USP40: variants seen among roughly 807,000 people sequenced by gnomAD.
The protein encoded by USP40 is ubiquitin specific peptidase 40, also known as ubiquitin carboxyl-terminal hydrolase 40.
Under a neutral mutation model 166.2 loss-of-function variants are expected in USP40, and 143 were observed. That is an observed-to-expected ratio of 0.86 (90% CI 0.75 to 0.99). USP40 has a LOEUF of 0.99. Ranked by LOEUF, USP40 falls within the 50% of genes least tolerant of loss-of-function variation. The pLI, the probability that USP40 is intolerant of heterozygous loss-of-function variation, is 0.00. For missense variants in USP40, 1,444 were observed against 1,479.7 expected (o/e 0.98, Z 0.40); for synonymous variants, 498 against 524.0 (o/e 0.95, Z 0.68).
At chr2:233,539,019 A>C (rs1256585356) in intron 10 of USP40, among the ~76,000 whole-genome samples, 2 of 151,896 alleles carry the variant, frequency 1.3e-5, no homozygotes, top group Non-Finnish European at 2.9e-5. Flanking sequence ...ACAGAGCAAA[A>C]CTCTGTCTCA....
At chr2:233,534,456 T>A (rs572589897) in intron 10 of USP40, among the ~76,000 whole-genome samples, 1 of 152,334 alleles carries the variant, frequency 6.6e-6, no homozygotes, top group African/African-American at 2.4e-5. Context: ...TCTCTCAGCC[T>A]AATTTACTTT....
At chr2:233,529,814 C>CTTTTTTTTTTTTTTTTTTT (rs369071345) in intron 11 of USP40, among the ~76,000 whole-genome samples, 13 of 133,946 alleles carry the variant, frequency 9.7e-5, no homozygotes, top group African/African-American at 2.6e-4. Flanking sequence ...TTTTCTTTTT[C>CTTTTTTTTTTTTTTTTTTT]TTTTTTTTTT....
At chr2:233,503,696 G>A (rs1037476307) in intron 21 of USP40, among the ~76,000 whole-genome samples, 2 of 152,048 alleles carry the variant, frequency 1.3e-5, no homozygotes, top group Non-Finnish European at 2.9e-5. Context: ...ATAAAGGCGA[G>A]ATATAAATCT....
intron 7 of USP40, 141 bp downstream of exon 7, chr2:233,551,235 C>A (rs543341207): frequency 4.1e-6 from 4 of 971,814 alleles, no homozygotes; most frequent in East Asian, 5.5e-5. Flanking sequence ...CAGTCTCCCA[C>A]AACAAAGAAT....
chr2:233,487,265 G>A (rs538491819), intron 28 of USP40, among the ~76,000 whole-genome samples: 1 of 152,278 alleles, frequency 6.6e-6, no homozygotes, highest in Admixed American at 6.5e-5. Context: ...CAAAGCACTG[G>A]AGAATATGAG....
intron 21 of USP40, among the ~76,000 whole-genome samples, chr2:233,506,740 C>CAAAAAA (rs1227656570): frequency 3.0e-4 from 16 of 53,836 alleles, no homozygotes; most frequent in South Asian, 7.1e-4. Context: ...ACCGAAAATA[C>CAAAAAA]AAAAAAAAAA....
Position 233,525,434 on chromosome 2 carries a change from G to A in USP40, c.1810+44C>T, listed in dbSNP as rs1177818727. On this transcript the variant is annotated intron_variant, in intron 14 of 31. Coordinates refer to ENST00000678225, the MANE Select transcript of USP40 (RefSeq NM_001365479.2). ...AATCGCAGGTGAGCCGGACAAAAAT[G>A]TAGATATATAGAGTGAGTTGCTATG... 3.4e-6 allele frequency: 5 copies of A among 1,479,632 alleles called. No homozygotes were observed. The South Asian group carries it at 3.6e-5, about 11-fold the overall frequency. 91.7% of individuals were successfully genotyped at this position (1,479,632 alleles called of 1,614,324 possible).
Position 233,523,188 on chromosome 2 carries a change from T to C in USP40, c.2183A>G (p.Asp728Gly). The C allele has an allele frequency of 2.5e-6, 4 of 1,610,688 alleles. No individual in the cohort carries two copies. Among genetic ancestry groups the C allele is most frequent in the Non-Finnish European group, 3.4e-6 (4 of 1,177,370 alleles). ...LRNGSSILIQ[D>G]SHDDNSLLTK... ...GAGTTACCTGTTATCATCATGAGAA[T>C]CCTGAATTAAAATTGAGCTTCCATT... The change falls in exon 16 of 32, where the codon GAT becomes GGT. Residue 728 changes from aspartate (D) to glycine (G), a missense_variant. Physicochemically the swap from Asp to Gly is moderately conservative, Grantham distance 94 (BLOSUM62 -1). Coordinates refer to ENST00000678225, the MANE Select transcript of USP40 (RefSeq NM_001365479.2).
chr2:233,551,741 C>T (rs2070585658), intron 6 of USP40, among the ~76,000 whole-genome samples: 1 of 152,082 alleles, frequency 6.6e-6, no homozygotes, highest in Admixed American at 6.6e-5. Flanking sequence ...ATTTACAACC[C>T]GGTTTTATCT....
At chr2:233,533,805 CTAAGT>C (rs754455200) in intron 10 of USP40, 26 bp from the exon 11 acceptor site, 15 of 1,486,092 alleles carry the variant, frequency 1.0e-5, no homozygotes, top group Non-Finnish European at 1.3e-5. Context: ...AAAAAAAATG[CTAAGT>C]TAATTATTTA....
At position 233,529,814 on chromosome 2, in the gene USP40, C is replaced by CTTTTTTTTTTTT. The variant is rs369071345; in HGVS notation, c.1472-303_1472-302insAAAAAAAAAAAA. Among the ~76,000 whole-genome samples, 412 of 133,848 alleles carry CTTTTTTTTTTTT rather than the reference C, an allele frequency of 3.1e-3. 3 individuals are homozygous for CTTTTTTTTTTTT. Among genetic ancestry groups the CTTTTTTTTTTTT allele is most frequent in the East Asian group, 4.1e-3 (19 of 4,678 alleles). 87.8% of individuals were successfully genotyped at this position (133,848 alleles called of 152,430 possible). A position where few individuals can be genotyped will look rare whatever the true frequency, so the allele number is the denominator to read the frequency against. ...ATCTTTTTTTTTTCTTTTTCTTTTT[C>CTTTTTTTTTTTT]TTTTTTTTTTTGAGACGGAGTCTCA... is the stretch of plus-strand genomic sequence containing the variant. On this transcript the variant is annotated intron_variant, in intron 11 of 31. Coordinates refer to ENST00000678225, the MANE Select transcript of USP40 (RefSeq NM_001365479.2).
chr2:233,514,425 A>G (rs1410495007), intron 18 of USP40, among the ~76,000 whole-genome samples: 1 of 152,222 alleles, frequency 6.6e-6, no homozygotes. Flanking sequence ...GAGACTGAGC[A>G]CTAAGAAGTC....
At chr2:233,534,168 A>C (rs1400744675) in intron 10 of USP40, among the ~76,000 whole-genome samples, 1 of 152,242 alleles carries the variant, frequency 6.6e-6, no homozygotes, top group African/African-American at 2.4e-5. Context: ...ATAAAAGATA[A>C]TTTGAAAACC....
At position 233,527,490 on chromosome 2, in the gene USP40, C is replaced by T. The variant is rs755706103; in HGVS notation, c.1642G>A (p.Val548Ile). 6.2e-7 allele frequency: 1 copy of T among 1,613,818 alleles called. No individual in the cohort carries two copies. Among genetic ancestry groups the T allele is most frequent in the Non-Finnish European group, 8.5e-7 (1 of 1,179,818 alleles). Residue 548 changes from valine (V) to isoleucine (I), a missense_variant, in exon 13 of 32, where the codon GTA becomes ATA. Transcript: ENST00000678225. ...YHFFNGALHPVVSQTESVWDL... is the reference protein window; with the variant it reads ...YHFFNGALHPIVSQTESVWDL... ...CACACGCTTTCTGTTTGAGAGACTA[C>T]TGGGTGCAGAGCCCCATTGAAGAAA...
intron 21 of USP40, among the ~76,000 whole-genome samples, chr2:233,508,085 C>T (rs1381729644): frequency 2.0e-5 from 3 of 152,132 alleles, no homozygotes; most frequent in South Asian, 4.2e-4. Flanking sequence ...CTTTCCCTGC[C>T]CTTGCCCAGA....
At chr2:233,538,992 A>C (rs75942095) in intron 10 of USP40, among the ~76,000 whole-genome samples, 2,852 of 152,276 alleles carry the variant, frequency 0.019, 91 homozygotes, top group African/African-American at 0.065. Flanking sequence ...CTGTGCTCCT[A>C]CGCTTCAGTC....
intron 10 of USP40, among the ~76,000 whole-genome samples, chr2:233,535,695 T>G (rs951689794): frequency 6.6e-6 from 1 of 152,018 alleles, no homozygotes; most frequent in African/African-American, 2.4e-5. Flanking sequence ...AATAACATAA[T>G]CTAGACTCTC....
Position 233,523,506 on chromosome 2 carries a change from A to C in USP40, c.1882-17T>G, listed in dbSNP as rs1343718718. 1 of 1,604,560 alleles carries C rather than the reference A, an allele frequency of 6.2e-7. No homozygotes were observed. The highest frequency in any genetic ancestry group is 1.7e-5 in the Admixed American group (1 of 59,344). ...TCCACCAACCTGCAATCATACCAAG[A>C]CAACCATTAGTACAGCTGATATTTG... On this transcript the variant is annotated splice_polypyrimidine_tract_variant and intron_variant, in intron 15 of 31. Coordinates refer to ENST00000678225, the MANE Select transcript of USP40 (RefSeq NM_001365479.2).
chr2:233,487,849 A>G (rs1303640079), intron 28 of USP40: 2 of 459,352 alleles, frequency 4.4e-6, no homozygotes, highest in African/African-American at 2.0e-5. Context: ...AAGTACAGAT[A>G]TGTCAGGTGA....
Sources: gnomAD v4.1 joint callset for allele counts (sites outside exome capture counted in the v4.1 genomes callset) on GRCh38, gnomAD v4.1.1 for gene constraint, MANE v1.5 for transcripts, NCBI Gene and HGNC (gene_info 2026-07-23, HGNC 2026-07-21) for gene names.